The following AATK variants were observed in gnomAD, a reference collection of about 807,000 sequenced individuals.
The protein encoded by AATK is lemur tail kinase 1.
A neutral mutation model predicts 114.3 loss-of-function variants in AATK; 91 were observed. The observed-to-expected ratio is 0.80, with a 90% CI of 0.67 to 0.95. AATK has a LOEUF of 0.95. Ranked by LOEUF, AATK falls within the 40% of genes least tolerant of loss-of-function variation. The pLI, the probability that AATK is intolerant of heterozygous loss-of-function variation, is 0.00. For missense variants in AATK, 2,176 were observed against 1,965.2 expected (o/e 1.11, Z -2.03); for synonymous variants, 1,075 against 916.5 (o/e 1.17, Z -3.12).
rs1387901618 is a variant in AATK, at chr17:81,120,529, G to A, written c.3407C>T (p.Pro1136Leu). The A allele has an allele frequency of 1.3e-6, 2 of 1,484,170 alleles. No individual in the cohort carries two copies. The highest frequency in any genetic ancestry group is 1.8e-6 in the Non-Finnish European group (2 of 1,116,478). 91.9% of individuals were successfully genotyped at this position (1,484,170 alleles called of 1,614,324 possible). Residue 1136 changes from proline (P) to leucine (L), a missense_variant, in exon 11 of 14, where the codon CCA (proline) becomes CTA (leucine). By Grantham distance (98) the Pro-to-Leu change is moderately conservative. Coordinates refer to ENST00000326724, the MANE Select transcript of AATK (RefSeq NM_001080395.3). ...GCGGAGTGGGGCTCTGGGGGTGCCTGGGCCCCCCATCCGCTTTTGTGGGGC... is the reference window on the plus strand; with the variant it reads ...GCGGAGTGGGGCTCTGGGGGTGCCTAGGCCCCCCATCCGCTTTTGTGGGGC... Reference protein sequence around the residue: ...GPAPQKRMGGPGTPRAPLRLA... With the variant: ...GPAPQKRMGGLGTPRAPLRLA...
intron 4 of AATK, 132 bp downstream of exon 4, chr17:81,128,338 G>T: frequency 8.8e-7 from 1 of 1,140,578 alleles, no homozygotes; most frequent in Non-Finnish European, 1.3e-6. Flanking sequence ...CCCTGGGGAA[G>T]GGTCCAGCAG....
At position 81,120,996 on chromosome 17, in the gene AATK, G is replaced by C; in HGVS notation, c.2940C>G (p.Ser980=). The C allele has an allele frequency of 6.2e-7, 1 of 1,610,654 alleles. No homozygotes were observed. The highest frequency in any genetic ancestry group is 2.2e-5 in the East Asian group (1 of 44,814). The part of the protein sequence containing the change: ...GEGPGPETRL[S]TSLSGLNEKN... ...TCTCGTTGAGGCCACTGAGGGAGGT[G>C]GAGAGCCGTGTCTCGGGCCCGGGGC... The change falls in exon 11 of 14, where the codon TCC becomes TCG. Residue 980 remains serine (S), a synonymous_variant. Transcript: ENST00000326724.
At chr17:81,149,295 G>A (rs974295751) in intron 1 of AATK, among the ~76,000 whole-genome samples, 4 of 151,698 alleles carry the variant, frequency 2.6e-5, no homozygotes, top group East Asian at 1.9e-4. Context: ...AGTGGCCACC[G>A]CCCACACCCA....
intron 1 of AATK, among the ~76,000 whole-genome samples, chr17:81,154,611 A>T (rs1421737129): frequency 9.2e-6 from 1 of 109,130 alleles, no homozygotes; most frequent in Non-Finnish European, 1.7e-5. Flanking sequence ...GAACCACCAC[A>T]CCCAGCCTTT....
chr17:81,162,933 T>A (rs2061443016), intron 1 of AATK, among the ~76,000 whole-genome samples: 1 of 152,122 alleles, frequency 6.6e-6, no homozygotes, highest in South Asian at 2.1e-4. Context: ...GCGTCAGGGA[T>A]CAGCCATGGT....
chr17:81,122,341 A>T lies in AATK; in HGVS notation c.1595T>A (p.Ile532Asn). Reference protein sequence around the residue: ...HSPSLGSEYFIRLEEAAPAAG... With the variant: ...HSPSLGSEYFNRLEEAAPAAG... ...GGCGGGTGCGGCCTCCTCTAGGCGG[A>T]TGAAGTACTCGCTGCCCAGCGACGG... The change falls in exon 11 of 14, where the codon ATC becomes AAC. Residue 532 changes from isoleucine to asparagine, a missense_variant. By Grantham distance (149) the Ile-to-Asn change is moderately radical (BLOSUM62 -3). This residue lies in a region of AATK where 1,701 missense variants were observed against 1,394.7 expected (regional missense o/e 1.22). Coordinates refer to ENST00000326724, the MANE Select transcript of AATK (RefSeq NM_001080395.3). The T allele has an allele frequency of 2.0e-6, 3 of 1,511,724 alleles. No homozygotes were observed. The highest frequency in any genetic ancestry group is 8.8e-7 in the Non-Finnish European group (1 of 1,134,636). 93.6% of individuals were successfully genotyped at this position (1,511,724 alleles called of 1,614,324 possible).
chr17:81,121,555 A>G lies in AATK; in HGVS notation c.2381T>C (p.Leu794Pro), dbSNP rs1182203128. 6.5e-7 allele frequency: 1 copy of G among 1,527,440 alleles called. No individual in the cohort carries two copies. Among genetic ancestry groups the G allele is most frequent in the African/African-American group, 1.4e-5 (1 of 72,514 alleles). 94.6% of individuals were successfully genotyped at this position (1,527,440 alleles called of 1,614,324 possible). Residue 794 changes from leucine (L) to proline (P), a missense_variant, in exon 11 of 14, where the codon CTG (leucine) becomes CCG (proline). Leu to Pro is a moderately conservative substitution (Grantham distance 98). Around this residue, in one of 4 missense-constraint regions of AATK, gnomAD observed 1,701 missense variants for 1,394.7 expected, o/e 1.22. Coordinates refer to ENST00000326724, the MANE Select transcript of AATK (RefSeq NM_001080395.3). ...TEAEGTTGPR[L>P]PLPSVPSPSQ... The stretch of plus-strand genomic sequence containing the variant: ...TGGGGAGGGGACGGAAGGAAGGGGC[A>G]GGCGGGGTCCGGTAGTGCCCTCAGC...
At chr17:81,118,758 C>T (rs2060612398) in intron 13 of AATK, among the ~76,000 whole-genome samples, 1 of 152,232 alleles carries the variant, frequency 6.6e-6, no homozygotes, top group Non-Finnish European at 1.5e-5. Flanking sequence ...ACACAGGGGG[C>T]ACCCTGCACC....
intron 7 of AATK, chr17:81,125,852 G>A (rs188410302): frequency 5.4e-5 from 25 of 463,824 alleles, no homozygotes; most frequent in African/African-American, 3.4e-4. Flanking sequence ...GCTGGGGCCC[G>A]GCAGGCAGGT....
intron 1 of AATK, among the ~76,000 whole-genome samples, chr17:81,154,716 A>G (rs60915844): frequency 1.7e-4 from 23 of 132,904 alleles, no homozygotes; most frequent in East Asian, 6.7e-4. Flanking sequence ...TGCAACCTCC[A>G]CCTCCCAGGT....
intron 3 of AATK, among the ~76,000 whole-genome samples, chr17:81,129,935 G>C (rs2060904071): frequency 6.6e-6 from 1 of 152,228 alleles, no homozygotes; most frequent in Admixed American, 6.5e-5. Context: ...TGTCCTCCAG[G>C]AGATGGGGCA....
intron 4 of AATK, 37 bp from the exon 5 acceptor site, chr17:81,127,947 C>T: frequency 6.5e-7 from 1 of 1,545,936 alleles, no homozygotes; most frequent in Non-Finnish European, 8.7e-7. Context: ...GCTGCTCCGC[C>T]TCCACCGGCC....
At position 81,118,200 on chromosome 17, in the gene AATK, T is replaced by C. The variant is rs2060591968; in HGVS notation, c.*202A>G. 8.5e-6 allele frequency: 5 copies of C among 589,968 alleles called. No homozygotes were observed. Among genetic ancestry groups the C allele is most frequent in the Middle Eastern group, 4.6e-4 (1 of 2,194 alleles). 36.5% of individuals were successfully genotyped at this position (589,968 alleles called of 1,614,324 possible). ...CCTAAAAGCCCAGACGAATTCTGCC[T>C]CTGGGGCGGAGCATGGCCGATCTAC... On this transcript the variant is annotated 3_prime_UTR_variant, in exon 14 of 14. Coordinates refer to ENST00000326724, the MANE Select transcript of AATK (RefSeq NM_001080395.3).
At chr17:81,136,202 C>G (rs552198011) in intron 1 of AATK, 1 of 152,512 alleles carries the variant, frequency 6.6e-6, no homozygotes, top group Admixed American at 6.5e-5. Context: ...TTCGCCCATG[C>G]CCTCCTGGCC....
chr17:81,135,762 C>T (rs2061000093), intron 1 of AATK: 1 of 152,314 alleles, frequency 6.6e-6, no homozygotes, highest in African/African-American at 2.4e-5. Flanking sequence ...CTCAGGTCTC[C>T]AGGTTGTTCC....
In AATK at chr17:81,126,179, CAG is replaced by C. The variant is rs1309662683; in HGVS notation, c.755+246_755+247del. Among the ~76,000 whole-genome samples, 1 of 152,194 alleles carries C rather than the reference CAG, an allele frequency of 6.6e-6. No homozygotes were observed. The highest frequency in any genetic ancestry group is 1.5e-5 in the Non-Finnish European group (1 of 68,026). Reference sequence around the variant, plus strand: ...GGGTGCTGGCTGACTGCCTCGGGGACAGAGAACAGGCCAGCTTGACAGTACGC... The same window carrying C: ...GGGTGCTGGCTGACTGCCTCGGGGACAGAACAGGCCAGCTTGACAGTACGC... On this transcript the variant is annotated intron_variant, in intron 7 of 13. Transcript: ENST00000326724. This position sits in a 1 kb window ranked among gnomAD's most constrained non-coding sequence, Gnocchi z 5.1.
At position 81,153,069 on chromosome 17, in the gene AATK, C is replaced by T. The variant is rs534223253; in HGVS notation, c.55+12869G>A. Among the ~76,000 whole-genome samples the T allele has an allele frequency of 4.6e-5, 7 of 152,182 alleles. No homozygotes were observed. In the South Asian group the frequency reaches 6.2e-4, roughly 14 times the overall value. ...GTTGGCCAGGCTGGTCTTGAACTCC[C>T]GACCTCAGGTGATCCGCCTGCCTCG... On this transcript the variant is annotated intron_variant, in intron 1 of 13. Transcript: ENST00000326724.
At chr17:81,120,155 A>T in intron 11 of AATK, 46 bp downstream of exon 11, 16 of 1,519,466 alleles carry the variant, frequency 1.1e-5, no homozygotes, top group Non-Finnish European at 1.4e-5. Flanking sequence ...TTCCTGCGGG[A>T]GCGCGACCCC....
At chr17:81,165,385 G>C (rs991100776) in intron 1 of AATK, 38 of 271,604 alleles carry the variant, frequency 1.4e-4, no homozygotes, top group African/African-American at 8.5e-4. Context: ...ACTGTCAGGG[G>C]ATCTGGGCAC....
Sources: allele counts gnomAD v4.1 joint callset (sites outside exome capture counted in the v4.1 genomes callset), GRCh38; gene constraint gnomAD v4.1.1; regional missense constraint gnomAD v4.1.1; non-coding constraint Gnocchi (gnomAD v3.1); transcripts MANE v1.5; gene names NCBI Gene and HGNC (gene_info 2026-07-23, HGNC 2026-07-21).